CDKAL1: variants seen among roughly 807,000 people sequenced by gnomAD.
The protein encoded by CDKAL1 is CDKAL1 threonylcarbamoyladenosine tRNA methylthiotransferase.
Under a neutral mutation model 68.2 loss-of-function variants are expected in CDKAL1, and 32 were observed. That is an observed-to-expected ratio of 0.47 (90% confidence interval 0.35 to 0.63). CDKAL1 has a LOEUF of 0.63. CDKAL1 is among the 30% of genes least tolerant of loss of function. The probability of loss-of-function intolerance (pLI) is 0.00; values close to 1 mark genes in which losing one functional copy is unlikely to be tolerated. For missense variants in CDKAL1, 606 were observed against 696.7 expected, an observed-to-expected ratio of 0.87 and a Z score of 1.47; for synonymous variants, 234 against 244.3, an observed-to-expected ratio of 0.96 and a Z score of 0.39.
At chr6:20,654,552 T>G (rs1768937309) in intron 5 of CDKAL1, among the ~76,000 whole-genome samples, 1 of 152,172 alleles carries the variant, frequency 6.6e-6, no homozygotes, top group Non-Finnish European at 1.5e-5. Flanking sequence ...TTCCTATATT[T>G]TCTTCTAAAA....
intron 5 of CDKAL1, among the ~76,000 whole-genome samples, chr6:20,737,029 C>G (rs1773226804): frequency 6.6e-6 from 1 of 152,166 alleles, no homozygotes; most frequent in South Asian, 2.1e-4. Flanking sequence ...TCTTAAGATT[C>G]TTTCTACAGT....
chr6:20,774,968 G>A (rs768478580), intron 7 of CDKAL1, among the ~76,000 whole-genome samples: 28 of 152,206 alleles, frequency 1.8e-4, no homozygotes, highest in Non-Finnish European at 3.7e-4. Context: ...TTATTAAAGC[G>A]GGTTAATAAA....
intron 12 of CDKAL1, among the ~76,000 whole-genome samples, chr6:21,078,728 G>A (rs918268394): frequency 4.6e-5 from 7 of 152,110 alleles, no homozygotes; most frequent in African/African-American, 1.7e-4. Context: ...AGGGTGAGGA[G>A]GAGAGCTTGG....
chr6:20,677,568 C>T (rs1770177298), intron 5 of CDKAL1, among the ~76,000 whole-genome samples: 2 of 151,720 alleles, frequency 1.3e-5, no homozygotes, highest in Non-Finnish European at 2.9e-5. Flanking sequence ...ACAGTCATAC[C>T]CCACACCAGG....
intron 5 of CDKAL1, among the ~76,000 whole-genome samples, chr6:20,686,800 G>A (rs1024289940): frequency 2.0e-5 from 3 of 152,084 alleles, no homozygotes; most frequent in South Asian, 2.1e-4. Context: ...GTTTCTCACC[G>A]TTAAGTATGA....
At chr6:21,211,257 T>A (rs976766497) in intron 15 of CDKAL1, among the ~76,000 whole-genome samples, 4 of 152,164 alleles carry the variant, frequency 2.6e-5, no homozygotes, top group African/African-American at 7.2e-5. Flanking sequence ...TTGTGGGCAG[T>A]TGGAAGGCAC....
chr6:20,827,389 C>T (rs980450567), intron 8 of CDKAL1, among the ~76,000 whole-genome samples: 5 of 152,090 alleles, frequency 3.3e-5, no homozygotes, highest in African/African-American at 1.2e-4. Flanking sequence ...TCTTAGCTGC[C>T]ATTGTTTATC....
intron 9 of CDKAL1, among the ~76,000 whole-genome samples, chr6:20,954,478 C>A (rs1409583609): frequency 2.0e-5 from 3 of 152,142 alleles, no homozygotes; most frequent in East Asian, 3.9e-4. Context: ...AGCAACAAAC[C>A]ACTTGAGCGT....
rs114727406 is a variant in CDKAL1, at chr6:20,834,904, C to T, written c.639-11171C>T. Among the ~76,000 whole-genome samples, 429 of 152,284 alleles carry T rather than the reference C, an allele frequency of 2.8e-3. 1 individual carries two copies. The highest frequency in any genetic ancestry group is 9.2e-3 in the African/African-American group (384 of 41,566). On this transcript the variant is annotated intron_variant, in intron 8 of 15. Coordinates refer to ENST00000274695, the MANE Select transcript of CDKAL1 (RefSeq NM_017774.3). ...GCCTTTCTGTCTCCCTCTATCACCC[C>T]ATAGTGCCATAGCTTCACAGGAAAC...
At chr6:20,904,738 G>A (rs1304712470) in intron 9 of CDKAL1, among the ~76,000 whole-genome samples, 7 of 151,804 alleles carry the variant, frequency 4.6e-5, no homozygotes, top group South Asian at 2.1e-4. Flanking sequence ...GCGGCGAGCC[G>A]AGATTGCGGC....
At position 20,745,287 on chromosome 6, in the gene CDKAL1, T is replaced by A. The variant is rs140331703; in HGVS notation, c.468+5672T>A. 2.6e-3 allele frequency among the ~76,000 whole-genome samples: 400 copies of A among 152,320 alleles called. 4 individuals are homozygous for A. Among genetic ancestry groups the A allele is most frequent in the African/African-American group, 9.0e-3 (376 of 41,572 alleles). On this transcript the variant is annotated intron_variant, in intron 6 of 15. Coordinates refer to ENST00000274695, the MANE Select transcript of CDKAL1 (RefSeq NM_017774.3). ...TAAAGCTGCATTTGAACGGCTAAAT[T>A]TGAGAATATTTCTATCGTACACCAT... is the stretch of plus-strand genomic sequence containing the variant.
chr6:20,589,056 T>C (rs1001633777), intron 4 of CDKAL1, among the ~76,000 whole-genome samples: 4 of 152,204 alleles, frequency 2.6e-5, no homozygotes, highest in Non-Finnish European at 4.4e-5. Context: ...TTATTTTTCA[T>C]TCATGTAGTC....
intron 13 of CDKAL1, among the ~76,000 whole-genome samples, chr6:21,115,137 G>A (rs1361172861): frequency 2.6e-5 from 4 of 152,168 alleles, no homozygotes; most frequent in Non-Finnish European, 5.9e-5. Context: ...TTTCATTTCA[G>A]ATGTCACTTA....
At chr6:21,136,587 G>C (rs1431706962) in intron 13 of CDKAL1, among the ~76,000 whole-genome samples, 1 of 152,106 alleles carries the variant, frequency 6.6e-6, no homozygotes, top group Non-Finnish European at 1.5e-5. Flanking sequence ...GCCTGAAAAA[G>C]GTCTGGGGGA....
intron 8 of CDKAL1, among the ~76,000 whole-genome samples, chr6:20,824,344 T>A (rs1475386672): frequency 6.6e-6 from 1 of 152,166 alleles, no homozygotes; most frequent in African/African-American, 2.4e-5. Context: ...ACATTTATTA[T>A]CTCACAGCAT....
intron 9 of CDKAL1, among the ~76,000 whole-genome samples, chr6:20,936,564 T>C (rs1389096504): frequency 6.6e-6 from 1 of 151,910 alleles, no homozygotes; most frequent in Non-Finnish European, 1.5e-5. Context: ...TTTTTTTTTA[T>C]ATATCCCTTG....
At chr6:20,882,464 C>T (rs1404798994) in intron 9 of CDKAL1, among the ~76,000 whole-genome samples, 3 of 152,152 alleles carry the variant, frequency 2.0e-5, no homozygotes, top group African/African-American at 7.2e-5. Flanking sequence ...GTTTACTTTT[C>T]TCTTTTAAAT....
chr6:20,949,906 C>T (rs1764438663), intron 9 of CDKAL1, among the ~76,000 whole-genome samples: 1 of 152,134 alleles, frequency 6.6e-6, no homozygotes, highest in African/African-American at 2.4e-5. Flanking sequence ...CCACCTGTCT[C>T]AGCCTCCCAG....
intron 11 of CDKAL1, among the ~76,000 whole-genome samples, chr6:21,015,675 C>G (rs532681949): frequency 6.6e-6 from 1 of 152,042 alleles, no homozygotes; most frequent in East Asian, 1.9e-4. Flanking sequence ...ACCTGTAATC[C>G]CAGCACTTTG....
Sources: gnomAD v4.1 joint callset for allele counts (sites outside exome capture counted in the v4.1 genomes callset) on GRCh38, gnomAD v4.1.1 for gene constraint, MANE v1.5 for transcripts, NCBI Gene and HGNC (gene_info 2026-07-23, HGNC 2026-07-21) for gene names.